The following AAK1 variants were observed in gnomAD, a reference collection of about 807,000 sequenced individuals.
AAK1 encodes the protein AP2-associated protein kinase 1.
Under a neutral mutation model 116.0 loss-of-function variants are expected in AAK1, and 37 were observed. That is an observed-to-expected ratio of 0.32 (90% CI 0.25 to 0.42). The LOEUF (loss-of-function observed/expected upper bound fraction) is 0.42. Ranked by LOEUF, AAK1 falls within the 10% of genes least tolerant of loss-of-function variation. The pLI, the probability that AAK1 is intolerant of heterozygous loss-of-function variation, is 1.00. For missense variants in AAK1, 919 were observed against 1,170.6 expected (o/e 0.79, Z 3.14); for synonymous variants, 458 against 439.9 (o/e 1.04, Z -0.51).
intron 3 of AAK1, among the ~76,000 whole-genome samples, chr2:69,552,061 CT>C (rs1671204168): frequency 6.6e-6 from 1 of 152,030 alleles, no homozygotes; most frequent in Admixed American, 6.6e-5. Flanking sequence ...AGAGGTAGGG[CT>C]GGGGTTATGG....
chr2:69,587,367 GTACACACACATATA>G (rs1672821417), intron 2 of AAK1, among the ~76,000 whole-genome samples: 1 of 107,310 alleles, frequency 9.3e-6, no homozygotes, highest in Non-Finnish European at 1.7e-5. Flanking sequence ...ACATATGCGT[GTACACACACATATA>G]TACACACACG....
intron 19 of AAK1, among the ~76,000 whole-genome samples, chr2:69,479,333 G>T (rs988114209): frequency 1.3e-5 from 2 of 152,132 alleles, no homozygotes; most frequent in Non-Finnish European, 2.9e-5. Flanking sequence ...AATGTGTGGA[G>T]GCTTCTGGAT....
intron 17 of AAK1, among the ~76,000 whole-genome samples, chr2:69,486,884 T>C (rs1261889040): frequency 6.6e-6 from 1 of 152,124 alleles, no homozygotes; most frequent in Non-Finnish European, 1.5e-5. Flanking sequence ...ATATGAGTCT[T>C]CACATAGACA....
chr2:69,588,936 A>T (rs1672903220), intron 2 of AAK1, among the ~76,000 whole-genome samples: 1 of 152,212 alleles, frequency 6.6e-6, no homozygotes, highest in Admixed American at 6.5e-5. Context: ...CTGATTTTCA[A>T]AAGAACTTCC....
Position 69,463,251 on chromosome 2 carries a change from C to T in AAK1, c.*12618G>A, listed in dbSNP as rs776457139. 6.6e-6 allele frequency: 1 copy of T among 152,232 alleles called. No individual in the cohort carries two copies. The highest frequency in any genetic ancestry group is 1.5e-5 in the Non-Finnish European group (1 of 68,038). 9.4% of individuals were successfully genotyped at this position (152,232 alleles called of 1,614,324 possible). On this transcript the variant is annotated 3_prime_UTR_variant, in exon 22 of 22. Transcript: ENST00000409085. ...TAATGGAAAAATCACTTAACCTTTA[C>T]TAGAAGTAACAGAAAGCATTAAAGT...
At chr2:69,542,470 G>A in intron 5 of AAK1, 53 bp downstream of exon 5, 2 of 1,603,310 alleles carry the variant, frequency 1.2e-6, no homozygotes, top group Non-Finnish European at 1.7e-6. Flanking sequence ...CATCCCTGGG[G>A]CAGACAGAAA....
At chr2:69,586,710 G>A (rs1672782360) in intron 2 of AAK1, among the ~76,000 whole-genome samples, 1 of 152,006 alleles carries the variant, frequency 6.6e-6, no homozygotes, top group Admixed American at 6.6e-5. Flanking sequence ...TTATCCCTAG[G>A]GCCACTCCCG....
chr2:69,594,266 G>A (rs1006111283), intron 2 of AAK1, among the ~76,000 whole-genome samples: 1 of 152,150 alleles, frequency 6.6e-6, no homozygotes, highest in Non-Finnish European at 1.5e-5. Context: ...ATATGCCCAT[G>A]GACATCTGGC....
chr2:69,487,882 T>C (rs1264213342), intron 17 of AAK1, among the ~76,000 whole-genome samples: 1 of 149,268 alleles, frequency 6.7e-6, no homozygotes, highest in Non-Finnish European at 1.5e-5. Context: ...CTCCGCCTCC[T>C]AGGTTCAAGC....
At chr2:69,531,029 T>C (rs1024168005) in intron 6 of AAK1, among the ~76,000 whole-genome samples, 10 of 152,188 alleles carry the variant, frequency 6.6e-5, no homozygotes, top group Non-Finnish European at 1.3e-4. Flanking sequence ...ACTGATACTA[T>C]ATTTTGTCAA....
In AAK1 at chr2:69,459,685, C is replaced by A. The variant is rs1674293818; in HGVS notation, c.*16184G>T. 1 of 152,166 alleles carries A rather than the reference C, an allele frequency of 6.6e-6. No individual in the cohort carries two copies. Among genetic ancestry groups the A allele is most frequent in the Non-Finnish European group, 1.5e-5 (1 of 68,022 alleles). The allele number at this position is 152,166 out of a possible 1,614,324, so 9.4% of individuals were successfully genotyped here. A position where few individuals can be genotyped will look rare whatever the true frequency, so the allele number is the denominator to read the frequency against. On this transcript the variant is annotated 3_prime_UTR_variant, in exon 22 of 22. Coordinates refer to ENST00000409085, the MANE Select transcript of AAK1 (RefSeq NM_014911.5). ...TCATTCAACTGTGCCATTCATCATG[C>A]ACTTATTGACATGCTCAAAATAGGG...
chr2:69,566,022 T>C (rs1671851517), intron 2 of AAK1, among the ~76,000 whole-genome samples: 1 of 151,684 alleles, frequency 6.6e-6, no homozygotes, highest in African/African-American at 2.4e-5. Flanking sequence ...GGTGGACTAT[T>C]CAGGTGGCAG....
Position 69,465,833 on chromosome 2 carries a change from A to G in AAK1, c.*10036T>C, listed in dbSNP as rs1674467537. 7.7e-7 allele frequency: 1 copy of G among 1,290,776 alleles called. No individual in the cohort carries two copies. Among genetic ancestry groups the G allele is most frequent in the African/African-American group, 1.5e-5 (1 of 65,818 alleles). The allele number at this position is 1,290,776 out of a possible 1,614,324, so 80.0% of individuals were successfully genotyped here. On this transcript the variant is annotated 3_prime_UTR_variant, in exon 22 of 22. Coordinates refer to ENST00000409085, the MANE Select transcript of AAK1 (RefSeq NM_014911.5). ...ACTGTTGCACAAAACCAGCTGTGGA[A>G]TACTGAGCTTGGACAGAGGTGTACA...
chr2:69,505,766 T>C, intron 15 of AAK1, 93 bp from the exon 16 acceptor site: 1 of 886,146 alleles, frequency 1.1e-6, no homozygotes, highest in African/African-American at 1.7e-5. Flanking sequence ...TGAACTGACT[T>C]CTGGACTTGA....
At chr2:69,603,877 T>G (rs1673685812) in intron 2 of AAK1, among the ~76,000 whole-genome samples, 1 of 152,186 alleles carries the variant, frequency 6.6e-6, no homozygotes, top group Non-Finnish European at 1.5e-5. Context: ...CAGACATCAT[T>G]TGAGTCATGG....
At chr2:69,499,132 C>T (rs766774685) in intron 16 of AAK1, among the ~76,000 whole-genome samples, 26 of 152,138 alleles carry the variant, frequency 1.7e-4, no homozygotes, top group Non-Finnish European at 3.4e-4. Context: ...GAGTATCTGC[C>T]CTCTTCATCT....
intron 20 of AAK1, chr2:69,478,649 T>G (rs933097045): frequency 7.1e-6 from 2 of 282,926 alleles, no homozygotes; most frequent in Non-Finnish European, 1.3e-5. Flanking sequence ...AGACTGAGAC[T>G]CCGTATGTTG....
Position 69,520,929 on chromosome 2 carries a change from G to C in AAK1, c.1115C>G (p.Ala372Gly). 6.2e-7 allele frequency: 1 copy of C among 1,613,208 alleles called. No homozygotes were observed. Among genetic ancestry groups the C allele is most frequent in the Non-Finnish European group, 8.5e-7 (1 of 1,179,394 alleles). Residue 372 changes from alanine to glycine, a missense_variant, in exon 11 of 22, where the codon GCT (alanine) becomes GGT (glycine). Around this residue, in one of 4 missense-constraint regions of AAK1, gnomAD observed 317 missense variants for 490.4 expected, o/e 0.65. Transcript: ENST00000409085. Reference sequence around the variant, plus strand: ...TCCTGGGTTCGGCTGAGTCTGCCCAGCTTTAGGCCTCTGGCGGGGTGCAAT... The same window carrying C: ...TCCTGGGTTCGGCTGAGTCTGCCCACCTTTAGGCCTCTGGCGGGGTGCAAT... ...TSIAPRQRPK[A>G]GQTQPNPGIL...
rs374342661 is a variant in AAK1, at chr2:69,466,232, G to A, written c.*9637C>T. The A allele has an allele frequency of 7.3e-5, 94 of 1,289,728 alleles. No individual in the cohort carries two copies. Among genetic ancestry groups the A allele is most frequent in the Admixed American group, 6.9e-4 (30 of 43,566 alleles). 79.9% of individuals were successfully genotyped at this position (1,289,728 alleles called of 1,614,324 possible). ...GCTCAGGAGAGACTTCTGGTGGAGC[G>A]AATGGAACGGCTCCTCCCAGCTTCC... On this transcript the variant is annotated 3_prime_UTR_variant, in exon 22 of 22. Transcript: ENST00000409085.
Sources: allele counts gnomAD v4.1 joint callset (sites outside exome capture counted in the v4.1 genomes callset), GRCh38; gene constraint gnomAD v4.1.1; regional missense constraint gnomAD v4.1.1; transcripts MANE v1.5; gene names NCBI Gene and HGNC (gene_info 2026-07-23, HGNC 2026-07-21).